KAZN: variants seen among roughly 807,000 people sequenced by gnomAD.
The protein encoded by KAZN is kazrin, periplakin interacting protein.
Under a neutral mutation model 87.4 loss-of-function variants are expected in KAZN, and 40 were observed. The observed-to-expected ratio is 0.46, with a 90% CI of 0.36 to 0.60. KAZN has a LOEUF of 0.60. Ranked by LOEUF, KAZN falls within the 20% of genes least tolerant of loss-of-function variation. The probability of loss-of-function intolerance (pLI) is 0.00; values close to 1 mark genes in which losing one functional copy is unlikely to be tolerated. For synonymous variants in KAZN, 466 were observed against 458.3 expected (o/e 1.02, Z -0.22); for missense variants, 898 against 1,073.9 (o/e 0.84, Z 2.29).
Position 14,304,547 on chromosome 1 carries a change from C to T in KAZN, c.249+123955C>T, listed in dbSNP as rs113011053. On this transcript the variant is annotated intron_variant, in intron 2 of 16. Coordinates refer to the KAZN transcript ENST00000636203. Reference sequence around the variant, plus strand: ...ACATTCCGTTCTGAGGAAGTTTGGTCTATTTCTTGGCCTTATGTCAAACAT... The same window carrying T: ...ACATTCCGTTCTGAGGAAGTTTGGTTTATTTCTTGGCCTTATGTCAAACAT... 557 of 398,080 alleles carry T rather than the reference C, an allele frequency of 1.4e-3. 2 individuals carry two copies. The highest frequency in any genetic ancestry group is 0.011 in the East Asian group (317 of 28,070). 24.7% of individuals were successfully genotyped at this position (398,080 alleles called of 1,614,324 possible).
At chr1:13,954,125 A>G (rs555795356) in intron 1 of KAZN, among the ~76,000 whole-genome samples, 3 of 152,118 alleles carry the variant, frequency 2.0e-5, no homozygotes, top group Non-Finnish European at 4.4e-5. Context: ...AAAACGCACC[A>G]CCCAGGAGGC....
At chr1:14,243,507 G>A (rs1363406760) in intron 2 of KAZN, among the ~76,000 whole-genome samples, 1 of 152,152 alleles carries the variant, frequency 6.6e-6, no homozygotes, top group African/African-American at 2.4e-5. Context: ...CTTCAAAATA[G>A]CTCCTCTCTT....
chr1:14,713,797 A>AAAAAAAAAAAG (rs1553215138), intron 1 of KAZN, among the ~76,000 whole-genome samples: 1 of 95,650 alleles, frequency 1.0e-5, no homozygotes, highest in African/African-American at 4.2e-5. Context: ...AAAAAAAAAA[A>AAAAAAAAAAAG]AAAGAAAGAA....
intron 2 of KAZN, among the ~76,000 whole-genome samples, chr1:14,575,907 T>G (rs185910663): frequency 7.3e-4 from 111 of 152,336 alleles, no homozygotes; most frequent in African/African-American, 2.6e-3. Context: ...TAGGCTTTAG[T>G]ATAGGGCCTG....
intron 2 of KAZN, among the ~76,000 whole-genome samples, chr1:14,294,475 C>A (rs772231708): frequency 6.6e-6 from 1 of 151,936 alleles, no homozygotes; most frequent in African/African-American, 2.4e-5. Flanking sequence ...GGCATCCTTG[C>A]AAGCTACTGT....
intron 2 of KAZN, among the ~76,000 whole-genome samples, chr1:14,366,543 C>T (rs1310857035): frequency 6.6e-6 from 1 of 152,242 alleles, no homozygotes; most frequent in Non-Finnish European, 1.5e-5. Flanking sequence ...GGGGCAGACT[C>T]CATTCACTCA....
intron 1 of KAZN, among the ~76,000 whole-genome samples, chr1:14,731,900 C>G (rs1250300169): frequency 6.6e-6 from 1 of 152,176 alleles, no homozygotes; most frequent in Non-Finnish European, 1.5e-5. Flanking sequence ...TCCGTGAGAT[C>G]ACATACGTCA....
intron 1 of KAZN, among the ~76,000 whole-genome samples, chr1:14,068,699 T>A (rs914999547): frequency 2.0e-5 from 3 of 152,212 alleles, no homozygotes; most frequent in Non-Finnish European, 2.9e-5. Context: ...ATAAATGCAG[T>A]TGTCTTTTCC....
At chr1:14,895,805 T>A (rs1392632865) in intron 1 of KAZN, among the ~76,000 whole-genome samples, 1 of 152,182 alleles carries the variant, frequency 6.6e-6, no homozygotes, top group Non-Finnish European at 1.5e-5. Flanking sequence ...CCTGGACTCC[T>A]CACTGGTCTC....
intron 2 of KAZN, among the ~76,000 whole-genome samples, chr1:14,426,197 G>A (rs1665716842): frequency 6.6e-6 from 1 of 152,008 alleles, no homozygotes; most frequent in African/African-American, 2.4e-5. Context: ...TCTCTTTCTT[G>A]AATGTTCTTT....
At chr1:14,481,659 T>C (rs1484218334) in intron 2 of KAZN, among the ~76,000 whole-genome samples, 1 of 151,238 alleles carries the variant, frequency 6.6e-6, no homozygotes, top group African/African-American at 2.4e-5. Context: ...CAAGTACTTA[T>C]TGTGGTTCTT....
intron 1 of KAZN, among the ~76,000 whole-genome samples, chr1:14,925,332 G>A (rs1358306253): frequency 6.6e-6 from 1 of 152,184 alleles, no homozygotes; most frequent in African/African-American, 2.4e-5. Flanking sequence ...AAGACGAAGG[G>A]CTTTTCTGAG....
intron 2 of KAZN, among the ~76,000 whole-genome samples, chr1:14,583,362 C>T (rs1332698154): frequency 1.3e-5 from 2 of 152,180 alleles, no homozygotes; most frequent in Non-Finnish European, 2.9e-5. Flanking sequence ...ATGAATGCTC[C>T]TTGTGTGCCA....
At chr1:13,898,491 C>T (rs1178455986) in intron 1 of KAZN, among the ~76,000 whole-genome samples, 1 of 152,194 alleles carries the variant, frequency 6.6e-6, no homozygotes, top group Non-Finnish European at 1.5e-5. Flanking sequence ...TCTGCAGTTA[C>T]CTTGCTTGAC....
intron 1 of KAZN, among the ~76,000 whole-genome samples, chr1:14,601,173 T>C (rs1268577479): frequency 1.3e-5 from 2 of 152,180 alleles, no homozygotes; most frequent in African/African-American, 4.8e-5. Context: ...TGAAGGGTGG[T>C]CTTGATTTCT....
intron 1 of KAZN, among the ~76,000 whole-genome samples, chr1:14,140,604 C>A (rs1467337513): frequency 6.6e-6 from 1 of 152,004 alleles, no homozygotes; most frequent in Non-Finnish European, 1.5e-5. Flanking sequence ...CCCAATCATT[C>A]TTTTTAGCTT....
intron 1 of KAZN, among the ~76,000 whole-genome samples, chr1:14,721,521 G>A (rs1319067428): frequency 6.6e-6 from 1 of 152,200 alleles, no homozygotes; most frequent in African/African-American, 2.4e-5. Context: ...TGTGAAACTG[G>A]CCAGACAAGA....
At chr1:14,697,864 G>A (rs1296767877) in intron 1 of KAZN, among the ~76,000 whole-genome samples, 1 of 152,124 alleles carries the variant, frequency 6.6e-6, no homozygotes, top group Admixed American at 6.5e-5. Context: ...ATTCCATCTC[G>A]AGCTCCTCAC....
At chr1:14,416,013 G>A (rs914500941) in intron 2 of KAZN, among the ~76,000 whole-genome samples, 5 of 152,176 alleles carry the variant, frequency 3.3e-5, no homozygotes, top group Non-Finnish European at 5.9e-5. Flanking sequence ...GATGGAAAAT[G>A]CAGCTGAGGG....
Sources: gnomAD v4.1 joint callset for allele counts (sites outside exome capture counted in the v4.1 genomes callset) on GRCh38, gnomAD v4.1.1 for gene constraint, MANE v1.5 for transcripts, NCBI Gene and HGNC (gene_info 2026-07-23, HGNC 2026-07-21) for gene names.